SLC26A8: variants seen among roughly 807,000 people sequenced by gnomAD.
The protein encoded by SLC26A8 is testis anion transporter 1.
In SLC26A8, 70 loss-of-function variants were observed where a neutral mutation model predicts 105.0. The ratio of observed to expected loss-of-function variants is 0.67; its 90% CI spans 0.55 to 0.81. The LOEUF is 0.81. Ranked by LOEUF, SLC26A8 falls within the 40% of genes least tolerant of loss-of-function variation. The pLI, the probability that SLC26A8 is intolerant of heterozygous loss-of-function variation, is 0.00. For missense variants in SLC26A8, 998 were observed against 1,181.8 expected (o/e 0.84, Z 2.28); for synonymous variants, 415 against 438.3 (o/e 0.95, Z 0.66).
At chr6:35,953,402 A>T (rs1200749935) in intron 17 of SLC26A8, among the ~76,000 whole-genome samples, 1 of 152,238 alleles carries the variant, frequency 6.6e-6, no homozygotes, top group African/African-American at 2.4e-5. Context: ...AATGCTGGAC[A>T]GGCCACTTAT....
intron 5 of SLC26A8, among the ~76,000 whole-genome samples, chr6:35,993,579 T>C (rs2395648): frequency 0.38 from 58,152 of 151,974 alleles, 12,084 homozygotes; most frequent in South Asian, 0.56. Flanking sequence ...TGTTATATAG[T>C]ATATAATAAA....
At chr6:36,004,575 T>C (rs1761629056) in intron 3 of SLC26A8, among the ~76,000 whole-genome samples, 2 of 152,196 alleles carry the variant, frequency 1.3e-5, no homozygotes, top group South Asian at 2.1e-4. Flanking sequence ...ATAATTCTTA[T>C]ACTTTGTACT....
intron 7 of SLC26A8, among the ~76,000 whole-genome samples, chr6:35,990,899 G>A (rs1017736603): frequency 2.6e-5 from 4 of 151,434 alleles, no homozygotes; most frequent in Non-Finnish European, 4.4e-5. Flanking sequence ...TTTCATAAGG[G>A]GAAAAAAAAA....
Position 35,951,250 on chromosome 6 carries a change from G to A in SLC26A8, c.2385C>T (p.Ala795=), listed in dbSNP as rs1268537026. ...FLSVHDAVLF[A]LSRKVIGSSE... ...AGGAGCCTATGACCTTCCTTGACAA[G>A]GCAAACAGCACGGCGTCGTGAACGC... The change falls in exon 19 of 20, where the codon GCC becomes GCT. Residue 795 remains alanine (A), a synonymous_variant. Transcript: ENST00000490799. 1.2e-6 allele frequency: 2 copies of A among 1,614,100 alleles called. No individual in the cohort carries two copies. Among genetic ancestry groups the A allele is most frequent in the South Asian group, 1.1e-5 (1 of 91,072 alleles).
At chr6:35,951,860 G>T (rs972174620) in intron 17 of SLC26A8, among the ~76,000 whole-genome samples, 4 of 152,204 alleles carry the variant, frequency 2.6e-5, no homozygotes, top group African/African-American at 9.7e-5. Flanking sequence ...ACAGGCGTGG[G>T]CCACTGCACC....
chr6:35,964,026 A>G (rs74926883), intron 11 of SLC26A8, among the ~76,000 whole-genome samples: 2,869 of 152,150 alleles, frequency 0.019, 100 homozygotes, highest in African/African-American at 0.066. Flanking sequence ...CCTGGGTGAC[A>G]TAGTGAGACA....
chr6:35,991,815 G>T lies in SLC26A8; in HGVS notation c.793-7C>A. 6.3e-7 allele frequency: 1 copy of T among 1,579,050 alleles called. No individual in the cohort carries two copies. The highest frequency in any genetic ancestry group is 1.9e-5 in the Admixed American group (1 of 51,828). On this transcript the variant is annotated splice_region_variant and splice_polypyrimidine_tract_variant and intron_variant, in intron 6 of 19. Coordinates refer to ENST00000490799, the MANE Select transcript of SLC26A8 (RefSeq NM_052961.4). Reference sequence around the variant, plus strand: ...CACAGTAATTAATTATGTCCTGAAAGAAAATAAAATTACGGAGGCTTAGAA... The same window carrying T: ...CACAGTAATTAATTATGTCCTGAAATAAAATAAAATTACGGAGGCTTAGAA...
chr6:36,010,574 T>G (rs1189107116), intron 3 of SLC26A8, among the ~76,000 whole-genome samples: 1 of 149,322 alleles, frequency 6.7e-6, no homozygotes, highest in African/African-American at 2.5e-5. Context: ...AGTCTCGCTC[T>G]GTCACCCAGG....
chr6:35,944,138 G>T lies in SLC26A8; in HGVS notation c.2675C>A (p.Thr892Asn), dbSNP rs1771580798. The change falls in exon 20 of 20, where the codon ACC (threonine) becomes AAC (asparagine). Residue 892 changes from threonine to asparagine, a missense_variant. By Grantham distance (65) the Thr-to-Asn change is moderately conservative. Transcript: ENST00000490799. ...CATCTCGGTCTGGGTCTTGGTCTCG[G>T]TCTCAGCCTTGGGCTCCATTTCAGG... ...LEPEMEPKAE[T>N]ETKTQTEMEP... is the part of the protein sequence containing the mutation. The T allele has an allele frequency of 6.2e-7, 1 of 1,613,950 alleles. No individual in the cohort carries two copies. Among genetic ancestry groups the T allele is most frequent in the Non-Finnish European group, 8.5e-7 (1 of 1,180,014 alleles).
In SLC26A8 at chr6:36,023,668, CT is replaced by C. The variant is rs1438945814; in HGVS notation, c.-3+835del. Among the ~76,000 whole-genome samples, 6 of 152,184 alleles carry C rather than the reference CT, an allele frequency of 3.9e-5. No individual in the cohort carries two copies. In the East Asian group the frequency reaches 5.8e-4, roughly 15 times the overall value. ...GTTTAGTTGCAGGAATATCTTCCCC[CT>C]GATATTGTTAACTTTCTTATGTTTT... On this transcript the variant is annotated intron_variant, in intron 1 of 19. Transcript: ENST00000490799.
At position 35,981,503 on chromosome 6, in the gene SLC26A8, G is replaced by A. The variant is rs777479758; in HGVS notation, c.1025+618C>T. ...TAAAAATGCAAAAAATTAGCCAGGC[G>A]TGGCAGTGCACGGCGGTGTACACCT... On this transcript the variant is annotated intron_variant, in intron 8 of 19. Coordinates refer to ENST00000490799, the MANE Select transcript of SLC26A8 (RefSeq NM_052961.4). This position sits in a 1 kb window ranked among gnomAD's most constrained non-coding sequence, Gnocchi z 4.0. 9.2e-5 allele frequency among the ~76,000 whole-genome samples: 14 copies of A among 152,088 alleles called. No homozygotes were observed. The highest frequency in any genetic ancestry group is 1.8e-4 in the Non-Finnish European group (12 of 68,012).
At chr6:35,986,023 T>C (rs1229304994) in intron 7 of SLC26A8, among the ~76,000 whole-genome samples, 9 of 130,036 alleles carry the variant, frequency 6.9e-5, no homozygotes, top group African/African-American at 2.2e-4. Context: ...CACATATACA[T>C]CTTTTTTTTT....
intron 3 of SLC26A8, among the ~76,000 whole-genome samples, chr6:36,002,717 T>C (rs1761559420): frequency 6.6e-6 from 1 of 151,796 alleles, no homozygotes; most frequent in Non-Finnish European, 1.5e-5. Context: ...CAATCTTTTT[T>C]TTTTTTTGAG....
intron 2 of SLC26A8, among the ~76,000 whole-genome samples, chr6:36,015,611 CT>C (rs1355809275): frequency 6.6e-6 from 1 of 152,086 alleles, no homozygotes; most frequent in African/African-American, 2.4e-5. Flanking sequence ...ACTGGGAATA[CT>C]TATTTATAAT....
chr6:36,008,769 G>A (rs1761763509), intron 3 of SLC26A8, among the ~76,000 whole-genome samples: 1 of 152,156 alleles, frequency 6.6e-6, no homozygotes, highest in Non-Finnish European at 1.5e-5. Context: ...ATATGAAAAG[G>A]TGTTAAATAT....
At chr6:36,007,172 A>G (rs1164189206) in intron 3 of SLC26A8, among the ~76,000 whole-genome samples, 2 of 102,006 alleles carry the variant, frequency 2.0e-5, no homozygotes, top group African/African-American at 6.6e-5. Context: ...GGCCATTCAT[A>G]TTAAAAAGAT....
intron 5 of SLC26A8, among the ~76,000 whole-genome samples, chr6:35,993,513 T>A (rs1228119984): frequency 6.6e-6 from 1 of 151,976 alleles, no homozygotes; most frequent in Non-Finnish European, 1.5e-5. Flanking sequence ...ATTATGCATA[T>A]CCTGAAGGAA....
chr6:35,981,923 GAA>G lies in SLC26A8; in HGVS notation c.1025+196_1025+197del, dbSNP rs1331108642. Among the ~76,000 whole-genome samples, 1 of 152,198 alleles carries G rather than the reference GAA, an allele frequency of 6.6e-6. No homozygotes were observed. Among genetic ancestry groups the G allele is most frequent in the Non-Finnish European group, 1.5e-5 (1 of 68,042 alleles). The stretch of plus-strand genomic sequence containing the variant: ...GATAAGGGGATGGGTTCAACTATGA[GAA>G]GAGAGACAGAGGCTGACCAGAGAAG... On this transcript the variant is annotated intron_variant, in intron 8 of 19. Transcript: ENST00000490799. This position sits in a 1 kb window ranked among gnomAD's most constrained non-coding sequence, Gnocchi z 4.0.
chr6:35,969,238 A>G (rs73405818), intron 10 of SLC26A8: 17,262 of 340,298 alleles, frequency 0.051, 2,349 homozygotes, highest in African/African-American at 0.31. Context: ...CTGTGCTATG[A>G]ATCTGAATTC....
Sources: gnomAD v4.1 joint callset for allele counts (sites outside exome capture counted in the v4.1 genomes callset) on GRCh38, gnomAD v4.1.1 for gene constraint, Gnocchi (gnomAD v3.1) non-coding constraint, MANE v1.5 for transcripts, NCBI Gene and HGNC (gene_info 2026-07-23, HGNC 2026-07-21) for gene names.